The following NFYC variants were observed in gnomAD, a reference collection of about 807,000 sequenced individuals.
The protein encoded by NFYC is CAAT box DNA-binding protein subunit C.
A neutral mutation model predicts 53.1 loss-of-function variants in NFYC; 25 were observed. The observed-to-expected ratio is 0.47, with a 90% CI of 0.34 to 0.66. The LOEUF (loss-of-function observed/expected upper bound fraction) is 0.66. Ranked by LOEUF, NFYC falls within the 30% of genes least tolerant of loss-of-function variation. The probability of loss-of-function intolerance (pLI) is 0.01; values close to 1 mark genes in which losing one functional copy is unlikely to be tolerated. For synonymous variants in NFYC, 145 were observed against 152.6 expected, an observed-to-expected ratio of 0.95 and a Z score of 0.37; for missense variants, 260 against 422.7, an observed-to-expected ratio of 0.62 and a Z score of 3.38.
At chr1:40,749,503 A>G (rs573091195) in intron 3 of NFYC, 70 bp from the exon 4 acceptor site, 30 of 1,228,556 alleles carry the variant, frequency 2.4e-5, no homozygotes, top group South Asian at 2.3e-4. Context: ...ATGCCAGGCA[A>G]TGAGGCAAGA....
chr1:40,731,165 T>C (rs997255268), intron 1 of NFYC, among the ~76,000 whole-genome samples: 11 of 152,120 alleles, frequency 7.2e-5, no homozygotes, highest in Admixed American at 1.3e-4. Flanking sequence ...CTGGAATAAT[T>C]GGATAAATAA....
In NFYC at chr1:40,770,785, A is replaced by G. The variant is rs1404329990; in HGVS notation, c.965A>G (p.Asn322Ser). Residue 322 changes from asparagine to serine, a missense_variant, in exon 10 of 10, where the codon AAC becomes AGC. Asn to Ser is a conservative substitution (Grantham distance 46). Coordinates refer to ENST00000447388, the MANE Select transcript of NFYC (RefSeq NM_014223.5). The surrounding 1 kb of genome is among the most constrained non-coding windows in gnomAD (Gnocchi z 5.3). ...CAGCCCATGTTCATCCAGTCAGCCA[A>G]CCAGCCCTCCGACGGGCAGGCCCCC... ...LAQPMFIQSA[N>S]QPSDGQAPQV... 5 of 1,612,868 alleles carry G rather than the reference A, an allele frequency of 3.1e-6. No individual in the cohort carries two copies. The highest frequency in any genetic ancestry group is 4.2e-6 in the Non-Finnish European group (5 of 1,180,028).
intron 5 of NFYC, among the ~76,000 whole-genome samples, chr1:40,757,636 G>A (rs141837692): frequency 1.3e-5 from 2 of 152,202 alleles, no homozygotes; most frequent in Non-Finnish European, 2.9e-5. Context: ...GAAAAGCCCT[G>A]TTTCCCATTA....
intron 1 of NFYC, among the ~76,000 whole-genome samples, chr1:40,697,945 C>T (rs1643237281): frequency 6.6e-6 from 1 of 152,256 alleles, no homozygotes; most frequent in African/African-American, 2.4e-5. Flanking sequence ...AGATAGATTA[C>T]TTCTACATCC....
Position 40,763,655 on chromosome 1 carries a change from T to C in NFYC, c.720+609T>C, listed in dbSNP as rs184566138. ...AGCCATCACGCCCAGCCCTCAGTAC[T>C]TATTTATATATATGCGTGTGTGTGT... On this transcript the variant is annotated intron_variant, in intron 7 of 9. Coordinates refer to ENST00000447388, the MANE Select transcript of NFYC (RefSeq NM_014223.5). 7.4e-4 allele frequency among the ~76,000 whole-genome samples: 112 copies of C among 152,272 alleles called. 2 individuals carry two copies. Among genetic ancestry groups the C allele is most frequent in the Non-Finnish European group, 8.8e-5 (6 of 68,012 alleles).
intron 1 of NFYC, among the ~76,000 whole-genome samples, chr1:40,731,300 A>G (rs6699005): frequency 0.88 from 133,223 of 151,810 alleles, 58,556 homozygotes; most frequent in East Asian, 0.98. Flanking sequence ...TTAGCCTCCC[A>G]AGTAGCTGGG....
At position 40,692,370 on chromosome 1, in the gene NFYC, C is replaced by T. The variant is rs146046776; in HGVS notation, c.-9+503C>T. On this transcript the variant is annotated intron_variant, in intron 1 of 9. Transcript: ENST00000447388. The stretch of plus-strand genomic sequence containing the variant: ...CAGGTACTTTGGGGGTAGCTTAGGC[C>T]ATGGCCTGGGAATGGGGGACACTCA... 8.9e-3 allele frequency: 1,366 copies of T among 153,050 alleles called. 12 individuals are homozygous for T. Among genetic ancestry groups the T allele is most frequent in the Middle Eastern group, 0.034 (10 of 298 alleles). 9.5% of individuals were successfully genotyped at this position (153,050 alleles called of 1,614,324 possible). A position where few individuals can be genotyped will look rare whatever the true frequency, so the allele number is the denominator to read the frequency against.
intron 2 of NFYC, among the ~76,000 whole-genome samples, chr1:40,742,052 C>T (rs770644294): frequency 6.6e-6 from 1 of 151,818 alleles, no homozygotes; most frequent in Non-Finnish European, 1.5e-5. Flanking sequence ...TCTAGTTGTG[C>T]ACCACCACAC....
At chr1:40,730,256 G>A (rs1006180630) in intron 1 of NFYC, among the ~76,000 whole-genome samples, 5 of 141,780 alleles carry the variant, frequency 3.5e-5, no homozygotes, top group African/African-American at 1.3e-4. Context: ...TGCCAAGCTG[G>A]TCTCGAACTC....
At chr1:40,719,362 G>A (rs1202042937) in intron 1 of NFYC, among the ~76,000 whole-genome samples, 1 of 152,204 alleles carries the variant, frequency 6.6e-6, no homozygotes, top group African/African-American at 2.4e-5. Flanking sequence ...ATTTAGCCAG[G>A]TGATTCCTCC....
At chr1:40,720,661 G>C (rs1644295302) in intron 1 of NFYC, among the ~76,000 whole-genome samples, 1 of 152,110 alleles carries the variant, frequency 6.6e-6, no homozygotes, top group Admixed American at 6.5e-5. Context: ...GAGCCCAGGA[G>C]TTTGAGACCA....
In NFYC at chr1:40,770,157, T is replaced by C. The variant is rs555815966; in HGVS notation, c.889-552T>C. Among the ~76,000 whole-genome samples, 4 of 152,290 alleles carry C rather than the reference T, an allele frequency of 2.6e-5. No homozygotes were observed. The South Asian group carries it at 8.3e-4, about 32-fold the overall frequency. On this transcript the variant is annotated intron_variant, in intron 9 of 9. Coordinates refer to ENST00000447388, the MANE Select transcript of NFYC (RefSeq NM_014223.5). The surrounding 1 kb of genome is among the most constrained non-coding windows in gnomAD (Gnocchi z 5.3). ...TTCCTAAGTGGCTGTGTGAGTATCTTCTCCACCCCTGGAGCGTCTTGGCTA... is the reference window on the plus strand; with the variant it reads ...TTCCTAAGTGGCTGTGTGAGTATCTCCTCCACCCCTGGAGCGTCTTGGCTA...
At chr1:40,747,256 A>AAC (rs1645660125) in intron 2 of NFYC, among the ~76,000 whole-genome samples, 1 of 151,488 alleles carries the variant, frequency 6.6e-6, no homozygotes, top group African/African-American at 2.4e-5. Context: ...AAAAAAAAAA[A>AAC]AAACAGATAT....
Position 40,770,248 on chromosome 1 carries a change from T to G in NFYC, c.889-461T>G. On this transcript the variant is annotated intron_variant, in intron 9 of 9. Transcript: ENST00000447388. This position sits in a 1 kb window ranked among gnomAD's most constrained non-coding sequence, Gnocchi z 5.3. ...CCATGGAGAAAATTCAAATTCAGTT[T>G]AGTTTCAACCTGAGCCAGATATTCT... The G allele has an allele frequency of 1.3e-6, 1 of 791,998 alleles. No homozygotes were observed. The highest frequency in any genetic ancestry group is 2.7e-5 in the East Asian group (1 of 37,140). 49.1% of individuals were successfully genotyped at this position (791,998 alleles called of 1,614,324 possible).
At chr1:40,733,010 C>CG (rs998716098) in intron 1 of NFYC, among the ~76,000 whole-genome samples, 12 of 62,960 alleles carry the variant, frequency 1.9e-4, no homozygotes, top group Non-Finnish European at 3.1e-4. Flanking sequence ...CAAGATTCGC[C>CG]CCCCCCCCCT....
At chr1:40,705,751 T>G (rs1214457233) in intron 1 of NFYC, among the ~76,000 whole-genome samples, 1 of 152,154 alleles carries the variant, frequency 6.6e-6, no homozygotes, top group Admixed American at 6.5e-5. Flanking sequence ...TAATATTTAT[T>G]TATTTATTTA....
chr1:40,733,019 C>CCCCT lies in NFYC; in HGVS notation c.-8-5817_-8-5816insCCCT, dbSNP rs35467973. 1.1e-3 allele frequency among the ~76,000 whole-genome samples: 112 copies of CCCCT among 103,164 alleles called. 5 individuals carry two copies. Among genetic ancestry groups the CCCCT allele is most frequent in the African/African-American group, 3.0e-3 (79 of 26,268 alleles). 67.7% of individuals were successfully genotyped at this position (103,164 alleles called of 152,430 possible). On this transcript the variant is annotated intron_variant, in intron 1 of 9. Coordinates refer to ENST00000447388, the MANE Select transcript of NFYC (RefSeq NM_014223.5). The stretch of plus-strand genomic sequence containing the variant: ...GCTTTCCAAGATTCGCCCCCCCCCC[C>CCCCT]TTTTTTTTTTTTCCTGAAAGGCCAT...
At chr1:40,711,262 C>G (rs765205744) in intron 1 of NFYC, among the ~76,000 whole-genome samples, 18 of 152,076 alleles carry the variant, frequency 1.2e-4, no homozygotes, top group Non-Finnish European at 2.5e-4. Context: ...AGAAAATGTT[C>G]ATTCTGGGAA....
intron 1 of NFYC, among the ~76,000 whole-genome samples, chr1:40,726,025 G>T (rs1209753668): frequency 6.6e-6 from 1 of 152,164 alleles, no homozygotes; most frequent in Admixed American, 6.5e-5. Context: ...TGAGGGTCTT[G>T]ACTTGATGAT....
Sources: allele counts gnomAD v4.1 joint callset (sites outside exome capture counted in the v4.1 genomes callset), GRCh38; gene constraint gnomAD v4.1.1; non-coding constraint Gnocchi (gnomAD v3.1); transcripts MANE v1.5; gene names NCBI Gene and HGNC (gene_info 2026-07-23, HGNC 2026-07-21).